The following POMT1 variants were observed in gnomAD, a reference collection of about 807,000 sequenced individuals.
POMT1 encodes protein O-mannosyl-transferase 1.
POMT1 carries 85 observed loss-of-function variants against 101.6 expected under a neutral mutation model. The ratio of observed to expected loss-of-function variants is 0.84; its 90% CI spans 0.70 to 1.00. POMT1 has a LOEUF of 1.00. Among genes scored for constraint, POMT1 ranks in the 50% least tolerant of loss-of-function variants. POMT1 has a pLI of 0.00. For synonymous variants in POMT1, 371 were observed against 383.0 expected, an observed-to-expected ratio of 0.97 and a Z score of 0.37; for missense variants, 857 against 930.4, an observed-to-expected ratio of 0.92 and a Z score of 1.03.
Position 131,522,910 on chromosome 9 carries a change from C to G in POMT1, c.2004-22C>G, listed in dbSNP as rs368972982. 3.8e-6 allele frequency: 6 copies of G among 1,568,312 alleles called. No homozygotes were observed. Among genetic ancestry groups the G allele is most frequent in the African/African-American group, 2.7e-5 (2 of 74,092 alleles). On this transcript the variant is annotated intron_variant, in intron 19 of 19. Transcript: ENST00000402686. This position sits in a 1 kb window ranked among gnomAD's most constrained non-coding sequence, Gnocchi z 5.5. ...GCCGCAGTGGTCAGCCACCCTCCCC[C>G]ACGCTGCTCTGACCTCTGCAGGTCC... is the stretch of plus-strand genomic sequence containing the variant.
intron 13 of POMT1, among the ~76,000 whole-genome samples, chr9:131,515,903 C>T (rs1948362268): frequency 8.0e-6 from 1 of 125,558 alleles, no homozygotes; most frequent in African/African-American, 3.0e-5. Context: ...ACATGGAGCA[C>T]TTCCTCACAT....
At chr9:131,511,013 GC>G in intron 9 of POMT1, 1 of 277,138 alleles carries the variant, frequency 3.6e-6, no homozygotes, top group South Asian at 5.2e-5. Flanking sequence ...AAGTTGTTTG[GC>G]TCACCCTAGT....
Position 131,519,385 on chromosome 9 carries a change from C to T in POMT1, c.1487-4C>T. On this transcript the variant is annotated splice_region_variant and splice_polypyrimidine_tract_variant and intron_variant, in intron 15 of 19. Transcript: ENST00000402686. The surrounding 1 kb of genome is among the most constrained non-coding windows in gnomAD (Gnocchi z 4.3). Reference sequence around the variant, plus strand: ...ATCTGTTATGCCCTTGTCTGTTCTGCCAGGCCAGGAGCAGAGGGAGCGGGA... The same window carrying T: ...ATCTGTTATGCCCTTGTCTGTTCTGTCAGGCCAGGAGCAGAGGGAGCGGGA... 6.4e-7 allele frequency: 1 copy of T among 1,551,414 alleles called. No homozygotes were observed. Among genetic ancestry groups the T allele is most frequent in the Admixed American group, 2.0e-5 (1 of 51,002 alleles).
In POMT1 at chr9:131,506,188, C is replaced by G. The variant is rs757903559; in HGVS notation, c.197C>G (p.Pro66Arg). The G allele has an allele frequency of 4.3e-6, 7 of 1,614,004 alleles. No homozygotes were observed. Among genetic ancestry groups the G allele is most frequent in the Non-Finnish European group, 5.9e-6 (7 of 1,180,040 alleles). ...ATCTTCTTCTTGGATGACAGTGGGC[C>G]GCCATTTGGCCACATGGTGCTGGCC... is the stretch of plus-strand genomic sequence containing the variant. ...KQIFFLDDSG[P>R]PFGHMVLALG... The change falls in exon 3 of 20, where the codon CCG becomes CGG. Residue 66 changes from proline to arginine, a missense_variant. By Grantham distance (103) the Pro-to-Arg change is moderately radical. Transcript: ENST00000402686.
chr9:131,520,303 G>C, intron 17 of POMT1, 110 bp downstream of exon 17: 2 of 938,624 alleles, frequency 2.1e-6, no homozygotes, highest in Non-Finnish European at 3.3e-6. Context: ...TTTCTCCCAA[G>C]CTTTTCCTGA....
intron 11 of POMT1, among the ~76,000 whole-genome samples, chr9:131,512,584 T>C (rs1947351925): frequency 6.6e-6 from 1 of 152,132 alleles, no homozygotes; most frequent in Non-Finnish European, 1.5e-5. Flanking sequence ...CTCCAGCACC[T>C]GCAGCCCGAG....
chr9:131,513,216 C>T (rs747232936), intron 11 of POMT1, 23 bp from the exon 12 acceptor site: 3 of 1,605,546 alleles, frequency 1.9e-6, no homozygotes, highest in Non-Finnish European at 2.6e-6. Flanking sequence ...TCTGTGTGGT[C>T]CCGACAGCAC....
At chr9:131,520,320 C>A in intron 17 of POMT1, 127 bp downstream of exon 17, 1 of 854,666 alleles carries the variant, frequency 1.2e-6, no homozygotes, top group Admixed American at 2.0e-5. Flanking sequence ...CTGACAAAGG[C>A]CTGTGACTTG....
intron 17 of POMT1, 170 bp from the exon 18 acceptor site, chr9:131,521,176 G>C (rs542308807): frequency 1.3e-5 from 11 of 869,870 alleles, no homozygotes; most frequent in Non-Finnish European, 2.0e-5. Flanking sequence ...GTCTGAGTAG[G>C]AGCAGACCTG....
At position 131,518,509 on chromosome 9, in the gene POMT1, T is replaced by C. The variant is rs747510067; in HGVS notation, c.1337T>C (p.Val446Ala). ...WKTILSEVRF[V>A]HVNTSAVLKL... is the part of the protein sequence containing the mutation. Reference sequence around the variant, plus strand: ...ACCATCCTCTCAGAGGTCCGCTTTGTGCACGTGAACACTTCCGCTGTCTTA... The same window carrying C: ...ACCATCCTCTCAGAGGTCCGCTTTGCGCACGTGAACACTTCCGCTGTCTTA... Residue 446 changes from valine to alanine, a missense_variant, in exon 14 of 20, where the codon GTG becomes GCG. Val to Ala is a moderately conservative substitution (Grantham distance 64). Coordinates refer to ENST00000402686, the MANE Select transcript of POMT1 (RefSeq NM_001077365.2). 1 of 1,613,810 alleles carries C rather than the reference T, an allele frequency of 6.2e-7. No individual in the cohort carries two copies. The highest frequency in any genetic ancestry group is 8.5e-7 in the Non-Finnish European group (1 of 1,179,974).
chr9:131,512,674 C>T lies in POMT1; in HGVS notation c.1082+538C>T, dbSNP rs532031388. ...TTGCCCAGGCTGGAGTGCAGTGGTACGATCTCGGCTCACTGCAACCTCCGC... is the reference window on the plus strand; with the variant it reads ...TTGCCCAGGCTGGAGTGCAGTGGTATGATCTCGGCTCACTGCAACCTCCGC... On this transcript the variant is annotated intron_variant, in intron 11 of 19. Transcript: ENST00000402686. 2.6e-4 allele frequency among the ~76,000 whole-genome samples: 39 copies of T among 152,036 alleles called. No homozygotes were observed. In the South Asian group the frequency reaches 7.7e-3, roughly 30 times the overall value.
At chr9:131,510,123 C>G in intron 8 of POMT1, 127 bp downstream of exon 8, 1 of 1,611,930 alleles carries the variant, frequency 6.2e-7, no homozygotes, top group Non-Finnish European at 8.5e-7. Flanking sequence ...TGGGCAGCCT[C>G]GCCTCTTGGC....
chr9:131,514,002 G>T (rs531433074), intron 12 of POMT1, among the ~76,000 whole-genome samples: 31 of 152,174 alleles, frequency 2.0e-4, no homozygotes, highest in Non-Finnish European at 4.4e-4. Flanking sequence ...CCACAGGGGC[G>T]GTCTCTGGCC....
At chr9:131,513,585 G>A (rs372153033) in intron 12 of POMT1, among the ~76,000 whole-genome samples, 2 of 152,332 alleles carry the variant, frequency 1.3e-5, no homozygotes, top group East Asian at 1.9e-4. Flanking sequence ...TCCTAGGAGA[G>A]CTCAGGGCCC....
intron 13 of POMT1, among the ~76,000 whole-genome samples, chr9:131,515,957 CCTCTAACACAGGACACTTCCTCTCACA>C (rs2131778358): frequency 8.7e-6 from 1 of 114,680 alleles, no homozygotes; most frequent in Non-Finnish European, 1.8e-5. Context: ...CGGAACACTT[CCTCTAACACAGGACACTTCCTCTCACA>C]CTCACACGGA....
Position 131,506,131 on chromosome 9 carries a change from A to G in POMT1, c.140A>G (p.Tyr47Cys), listed in dbSNP as rs764960331. 5 of 1,613,844 alleles carry G rather than the reference A, an allele frequency of 3.1e-6. No homozygotes were observed. Among genetic ancestry groups the G allele is most frequent in the Non-Finnish European group, 4.2e-6 (5 of 1,179,802 alleles). ...PRAVVFDEVY[Y>C]GQYISFYMKQ... is the part of the protein sequence containing the mutation. ...TTTTCTAGTTTTGACGAAGTATATT[A>G]TGGGCAGTACATCTCTTTTTACATG... The change falls in exon 3 of 20, where the codon TAT becomes TGT. Residue 47 changes from tyrosine (Y) to cysteine (C), a missense_variant. Coordinates refer to ENST00000402686, the MANE Select transcript of POMT1 (RefSeq NM_001077365.2).
chr9:131,517,898 G>T (rs554274412), intron 13 of POMT1, among the ~76,000 whole-genome samples: 23 of 152,384 alleles, frequency 1.5e-4, no homozygotes, highest in Middle Eastern at 3.4e-3. Context: ...TGGGTTCTCT[G>T]GTTGTGACAG....
Position 131,519,631 on chromosome 9 carries a change from T to C in POMT1, c.1584+145T>C. On this transcript the variant is annotated intron_variant, in intron 16 of 19. Transcript: ENST00000402686. The surrounding 1 kb of genome is among the most constrained non-coding windows in gnomAD (Gnocchi z 4.3). ...CACAACAGAATGAGTGTCTCCTCTCTCCAGTGTAAGGGACTGTGTGTGACA... is the reference window on the plus strand; with the variant it reads ...CACAACAGAATGAGTGTCTCCTCTCCCCAGTGTAAGGGACTGTGTGTGACA... The C allele has an allele frequency of 1.2e-6, 1 of 834,958 alleles. No homozygotes were observed. The highest frequency in any genetic ancestry group is 2.0e-6 in the Non-Finnish European group (1 of 512,046). The allele number at this position is 834,958 out of a possible 1,614,324, so 51.7% of individuals were successfully genotyped here. A position where few individuals can be genotyped will look rare whatever the true frequency, so the allele number is the denominator to read the frequency against.
intron 13 of POMT1, among the ~76,000 whole-genome samples, chr9:131,515,807 C>CGGAGCACTTCCTCTAACAT (rs1948296276): frequency 8.3e-6 from 1 of 120,456 alleles, no homozygotes; most frequent in African/African-American, 3.0e-5. Flanking sequence ...CTTCCTCACA[C>CGGAGCACTTCCTCTAACAT]GGAGCACTTC....
Sources: allele counts gnomAD v4.1 joint callset (sites outside exome capture counted in the v4.1 genomes callset), GRCh38; gene constraint gnomAD v4.1.1; non-coding constraint Gnocchi (gnomAD v3.1); transcripts MANE v1.5; gene names NCBI Gene and HGNC (gene_info 2026-07-23, HGNC 2026-07-21).